Variants in HAP1 observed in about 807,000 individuals in gnomAD.
The protein encoded by HAP1 is huntingtin associated protein 1.
Under a neutral mutation model 60.3 loss-of-function variants are expected in HAP1, and 59 were observed. The ratio of observed to expected loss-of-function variants is 0.98; its 90% CI spans 0.79 to 1.22. The LOEUF (loss-of-function observed/expected upper bound fraction) is 1.22. Ranked by LOEUF, HAP1 falls within the 50% of genes most tolerant of loss-of-function variation. The pLI is 0.00. For missense variants in HAP1, 825 were observed against 785.3 expected, an observed-to-expected ratio of 1.05 and a Z score of -0.60; for synonymous variants, 346 against 330.6, an observed-to-expected ratio of 1.05 and a Z score of -0.50.
At chr17:41,718,951 T>C (rs1911089091), downstream of HAP1, among the ~76,000 whole-genome samples, 1 of 152,158 alleles carries the variant, frequency 6.6e-6, no homozygotes. Context: ...TGTGCACTTG[T>C]TGCAAGTAAC....
At chr17:41,719,423 T>G (rs1451639078), downstream of HAP1, among the ~76,000 whole-genome samples, 2 of 152,186 alleles carry the variant, frequency 1.3e-5, no homozygotes, top group Non-Finnish European at 2.9e-5. Context: ...CCAGCCGCAG[T>G]GGCTCACGTC....
intron 6 of HAP1, among the ~76,000 whole-genome samples, chr17:41,729,272 A>G (rs1597742456): frequency 6.6e-6 from 1 of 150,382 alleles, no homozygotes; most frequent in East Asian, 2.1e-4. Context: ...GTCTTGGGAC[A>G]GGCACAGTGG....
rs782153342 is a variant in HAP1 at position 41,731,892 on chromosome 17, T to A, written c.896+45A>T. 22 of 825,686 alleles carry A rather than the reference T, an allele frequency of 2.7e-5. No individual in the cohort carries two copies. The South Asian group carries it at 3.2e-4, about 12-fold the overall frequency. 51.1% of individuals were successfully genotyped at this position (825,686 alleles called of 1,614,324 possible). On this transcript the variant is annotated intron_variant, in intron 4 of 10. Coordinates refer to ENST00000347901, the MANE Select transcript of HAP1 (RefSeq NM_177977.3). ...TGTCCCTCTTAACAAATGAGGAAAT[T>A]GAGGCTCAGAGAAAGGACTTGCAGG...
Position 41,723,947 on chromosome 17 carries a change from A to G in HAP1, c.*754T>C, listed in dbSNP as rs1204166979. Reference sequence around the variant, plus strand: ...GAGCCTCACCCTCCTCACCTAACCAATGGGGACACATCACCTGCCACGGAA... The same window carrying G: ...GAGCCTCACCCTCCTCACCTAACCAGTGGGGACACATCACCTGCCACGGAA... On this transcript the variant is annotated 3_prime_UTR_variant, in exon 11 of 11. Transcript: ENST00000347901. 3 of 152,254 alleles carry G rather than the reference A, an allele frequency of 2.0e-5. No individual in the cohort carries two copies. Among genetic ancestry groups the G allele is most frequent in the African/African-American group, 4.8e-5 (2 of 41,424 alleles). The allele number at this position is 152,254 out of a possible 1,614,324, so 9.4% of individuals were successfully genotyped here.
At chr17:41,727,449 A>T in intron 8 of HAP1, 1 of 778,508 alleles carries the variant, frequency 1.3e-6, no homozygotes, top group Non-Finnish European at 2.4e-6. Context: ...ACCCACCCAC[A>T]CGCTCTGCTG....
Position 41,732,011 on chromosome 17 carries a change from C to T in HAP1, c.822G>A (p.Glu274=). ...CTTCTTCTTCCTGTTCCTCTTCTGCCTCCTTTTCTTCCTCCTCCTCTTCTT... is the reference window on the plus strand; with the variant it reads ...CTTCTTCTTCCTGTTCCTCTTCTGCTTCCTTTTCTTCCTCCTCCTCTTCTT... The part of the protein sequence containing the change: ...EDEEEEEEEK[E]AEEEQEEEEA... The change falls in exon 4 of 11, where the codon GAG becomes GAA. Residue 274 remains glutamate (E), a synonymous_variant. Transcript: ENST00000347901. 7.0e-7 allele frequency: 1 copy of T among 1,425,540 alleles called. No individual in the cohort carries two copies. The highest frequency in any genetic ancestry group is 1.2e-5 in the South Asian group (1 of 86,792). The allele number at this position is 1,425,540 out of a possible 1,614,324, so 88.3% of individuals were successfully genotyped here. A position where few individuals can be genotyped will look rare whatever the true frequency, so the allele number is the denominator to read the frequency against.
Position 41,734,288 on chromosome 17 carries a change from CG to C in HAP1, c.346del (p.Arg116GlyfsTer61). The C allele has an allele frequency of 1.2e-6, 2 of 1,608,816 alleles. No homozygotes were observed. Among genetic ancestry groups the C allele is most frequent in the Non-Finnish European group, 1.7e-6 (2 of 1,177,724 alleles). ...RFVFQGPFGS[R>X]ATGRGTGKAA... ...CTTTCCAGTCCCCCGGCCAGTGGCC[CG>C]GGAACCAAACGGCCCTTGGAATACG... On this transcript the variant is annotated frameshift_variant, in exon 1 of 11. Transcript: ENST00000347901. LOFTEE classifies it high-confidence loss of function.
At chr17:41,729,581 G>GAAAAAAAAAA (rs1555590019) in intron 6 of HAP1, among the ~76,000 whole-genome samples, 28 of 90,308 alleles carry the variant, frequency 3.1e-4, no homozygotes, top group Non-Finnish European at 4.2e-4. Flanking sequence ...AAAAAAAAAG[G>GAAAAAAAAAA]AAATGCGGTC....
rs781829297 is a variant in HAP1, at chr17:41,725,015, C to A, written c.1546G>T (p.Ala516Ser). 7.4e-6 allele frequency: 12 copies of A among 1,611,882 alleles called. No homozygotes were observed. Among genetic ancestry groups the A allele is most frequent in the Middle Eastern group, 1.6e-4 (1 of 6,080 alleles). The change falls in exon 11 of 11, where the codon GCT becomes TCT. Residue 516 changes from alanine (A) to serine (S), a missense_variant. Ala to Ser is a moderately conservative substitution (Grantham distance 99). Transcript: ENST00000347901. ...TCCTCAGCCGGCACCTTCTTGGCAG[C>A]CCCCAGCTCCTCCTGGGGCACGAAC... ...EEFVPQEELG[A>S]AKKVPAEEGV...
intron 10 of HAP1, among the ~76,000 whole-genome samples, chr17:41,725,608 CCT>C (rs2143197766): frequency 6.6e-6 from 1 of 152,322 alleles, no homozygotes; most frequent in African/African-American, 2.4e-5. Context: ...GTGCCTGTCA[CCT>C]CTCAGCCCAT....
intron 6 of HAP1, chr17:41,730,259 C>T (rs1409987912): frequency 6.6e-6 from 1 of 151,386 alleles, no homozygotes; most frequent in Admixed American, 6.6e-5. Context: ...CACCCCTCCT[C>T]AGGCAACCCA....
At chr17:41,729,409 G>A (rs1447155727) in intron 6 of HAP1, among the ~76,000 whole-genome samples, 2 of 148,904 alleles carry the variant, frequency 1.3e-5, no homozygotes, top group East Asian at 4.1e-4. Flanking sequence ...AATTAGCTGT[G>A]CATGGTGGCG....
rs1555589319 is a variant in HAP1, at chr17:41,727,757, C to T, written c.1275+5G>A. 2 of 1,602,508 alleles carry T rather than the reference C, an allele frequency of 1.2e-6. No homozygotes were observed. The highest frequency in any genetic ancestry group is 8.5e-7 in the Non-Finnish European group (1 of 1,170,872). ...GTGGGGGCAGAAGCCGGCAGCGAGA[C>T]TCACCTCTTCCTGGAGCTGCATCTG... On this transcript the variant is annotated splice_donor_5th_base_variant and intron_variant, in intron 8 of 10. Coordinates refer to ENST00000347901, the MANE Select transcript of HAP1 (RefSeq NM_177977.3).
At chr17:41,727,256 GCA>G in intron 8 of HAP1, 112 bp from the exon 9 acceptor site, 1 of 790,966 alleles carries the variant, frequency 1.3e-6, no homozygotes, top group East Asian at 2.4e-5. Flanking sequence ...TGAGACACAG[GCA>G]CAGACGTAGG....
In HAP1 at chr17:41,724,833, G is replaced by C; in HGVS notation, c.1728C>G (p.Leu576=). The stretch of plus-strand genomic sequence containing the variant: ...CATCTTGCCAGTTGGCCAGCTGCTG[G>C]AGGACATAATTCATGTCCAGGTGTG... ...GPSHLDMNYV[L]QQLANWQDAH... Residue 576 remains leucine, a synonymous_variant, in exon 11 of 11, where the codon CTC becomes CTG. Transcript: ENST00000347901. The C allele has an allele frequency of 6.2e-7, 1 of 1,613,324 alleles. No homozygotes were observed.
chr17:41,732,404 A>T lies in HAP1; in HGVS notation c.550-10T>A. 1 of 1,613,310 alleles carries T rather than the reference A, an allele frequency of 6.2e-7. No homozygotes were observed. On this transcript the variant is annotated splice_polypyrimidine_tract_variant and intron_variant, in intron 2 of 10. Transcript: ENST00000347901. Reference sequence around the variant, plus strand: ...AGACAGGTGGGAGAAGCTGGGGGGGACACAGGGGTCAGAGAGAGGCTAGGC... The same window carrying T: ...AGACAGGTGGGAGAAGCTGGGGGGGTCACAGGGGTCAGAGAGAGGCTAGGC...
intron 8 of HAP1, chr17:41,727,398 C>T (rs782661624): frequency 2.6e-6 from 2 of 780,104 alleles, no homozygotes; most frequent in Non-Finnish European, 4.8e-6. Context: ...CAGCATGCCC[C>T]CACAATCCAT....
rs377471011 is a variant in HAP1, at chr17:41,734,545, T to C, written c.90A>G (p.Ser30=). 6.3e-4 allele frequency: 1,011 copies of C among 1,609,892 alleles called. 11 individuals are homozygous for C. Among genetic ancestry groups the C allele is most frequent in the South Asian group, 4.5e-3 (412 of 90,712 alleles). The change falls in exon 1 of 11, where the codon TCA becomes TCG. Residue 30 remains serine (S), a synonymous_variant. Coordinates refer to ENST00000347901, the MANE Select transcript of HAP1 (RefSeq NM_177977.3). ...PAALTCAPSP[S]ASPAPEPSAQ... The stretch of plus-strand genomic sequence containing the variant: ...CAGAGGGCTCCGGAGCGGGACTGGC[T>C]GAGGGCGAAGGTGCACAGGTGAGTG...
chr17:41,731,892 TG>T (rs1567785013), intron 4 of HAP1, 44 bp downstream of exon 4: 3 of 825,804 alleles, frequency 3.6e-6, no homozygotes, highest in South Asian at 1.4e-5. Context: ...ATGAGGAAAT[TG>T]AGGCTCAGAG....
Sources: allele counts gnomAD v4.1 joint callset (sites outside exome capture counted in the v4.1 genomes callset), GRCh38; gene constraint gnomAD v4.1.1; transcripts MANE v1.5; gene names NCBI Gene and HGNC (gene_info 2026-07-23, HGNC 2026-07-21).